ATG10: variants seen among roughly 807,000 people sequenced by gnomAD.
ATG10 encodes ubiquitin-like-conjugating enzyme ATG10.
A neutral mutation model predicts 32.1 loss-of-function variants in ATG10; 30 were observed. That is an observed-to-expected ratio of 0.94 (90% CI 0.70 to 1.27). ATG10 has a LOEUF of 1.27. Among genes scored for constraint, ATG10 ranks in the 50% most tolerant of loss-of-function variants. The pLI is 0.00. For synonymous variants in ATG10, 87 were observed against 91.5 expected, an observed-to-expected ratio of 0.95 and a Z score of 0.28; for missense variants, 233 against 262.3, an observed-to-expected ratio of 0.89 and a Z score of 0.77.
At chr5:82,056,016 C>T (rs1039777106) in intron 2 of ATG10, among the ~76,000 whole-genome samples, 3 of 152,126 alleles carry the variant, frequency 2.0e-5, no homozygotes, top group Non-Finnish European at 4.4e-5. Flanking sequence ...TAAGCACAGT[C>T]TATGATGTTT....
At chr5:82,035,103 G>C (rs928626775) in intron 2 of ATG10, among the ~76,000 whole-genome samples, 33 of 151,950 alleles carry the variant, frequency 2.2e-4, no homozygotes, top group African/African-American at 7.7e-4. Context: ...GTAGAGACAG[G>C]GTTTCACCAT....
chr5:82,164,026 T>C (rs977653706), intron 3 of ATG10, among the ~76,000 whole-genome samples: 1 of 152,190 alleles, frequency 6.6e-6, no homozygotes, highest in African/African-American at 2.4e-5. Flanking sequence ...TGTTCAATTG[T>C]TAGGATGTTT....
chr5:82,161,275 C>T (rs1743328816), intron 3 of ATG10, among the ~76,000 whole-genome samples: 1 of 152,116 alleles, frequency 6.6e-6, no homozygotes, highest in Non-Finnish European at 1.5e-5. Context: ...TAGTAGCAGT[C>T]CTAATTAGAG....
At chr5:82,190,184 A>AT (rs1158231248) in intron 5 of ATG10, among the ~76,000 whole-genome samples, 4 of 152,120 alleles carry the variant, frequency 2.6e-5, no homozygotes, top group Non-Finnish European at 5.9e-5. Context: ...CTTTATAATC[A>AT]TTTTTTCTGA....
At chr5:82,210,801 G>C (rs1745464225) in intron 5 of ATG10, among the ~76,000 whole-genome samples, 1 of 152,156 alleles carries the variant, frequency 6.6e-6, no homozygotes, top group South Asian at 2.1e-4. Context: ...GGGCTGCAAG[G>C]AAAATAGAGT....
intron 3 of ATG10, among the ~76,000 whole-genome samples, chr5:82,138,069 C>T (rs912317073): frequency 1.3e-5 from 2 of 152,202 alleles, no homozygotes; most frequent in African/African-American, 2.4e-5. Context: ...GGTGGACGCC[C>T]CTGTCCCCAG....
At chr5:82,203,721 TTC>T (rs1028830981) in intron 5 of ATG10, among the ~76,000 whole-genome samples, 2 of 152,282 alleles carry the variant, frequency 1.3e-5, no homozygotes, top group South Asian at 2.1e-4. Context: ...TTATTTGTGT[TTC>T]TGTTTGTTCT....
chr5:82,157,159 G>A (rs1767830457), intron 3 of ATG10, among the ~76,000 whole-genome samples: 1 of 152,124 alleles, frequency 6.6e-6, no homozygotes, highest in Non-Finnish European at 1.5e-5. Context: ...TCCTCTCAGT[G>A]GGAACCCACG....
intron 2 of ATG10, among the ~76,000 whole-genome samples, chr5:82,000,866 A>G (rs1761828349): frequency 6.6e-6 from 1 of 152,120 alleles, no homozygotes; most frequent in Admixed American, 6.6e-5. Flanking sequence ...CATGTTGGCT[A>G]CCCTGGTCTT....
At chr5:82,213,114 C>T (rs551723840) in intron 5 of ATG10, among the ~76,000 whole-genome samples, 1 of 152,290 alleles carries the variant, frequency 6.6e-6, no homozygotes, top group East Asian at 1.9e-4. Context: ...CCAAAATAAC[C>T]AGTGATGCCT....
chr5:82,032,732 T>TTA (rs1352445332), intron 2 of ATG10, among the ~76,000 whole-genome samples: 1 of 150,858 alleles, frequency 6.6e-6, no homozygotes, highest in African/African-American at 2.4e-5. Context: ...TCCTATGCCT[T>TTA]TATATATATT....
At chr5:82,099,495 T>C (rs1370366558) in intron 3 of ATG10, among the ~76,000 whole-genome samples, 1 of 152,034 alleles carries the variant, frequency 6.6e-6, no homozygotes, top group African/African-American at 2.4e-5. Context: ...AGAACTCTTA[T>C]AGTGACTGAA....
Position 82,117,357 on chromosome 5 carries a change from A to G in ATG10, c.217-47042A>G, listed in dbSNP as rs374772661. Among the ~76,000 whole-genome samples, 7 of 152,244 alleles carry G rather than the reference A, an allele frequency of 4.6e-5. No homozygotes were observed. In the East Asian group the frequency reaches 1.2e-3, roughly 25 times the overall value. On this transcript the variant is annotated intron_variant, in intron 3 of 7. Coordinates refer to ENST00000282185, the MANE Select transcript of ATG10 (RefSeq NM_031482.5). ...TGATTAGATTTCCTAGTATATTAATATTAGCAACTGTGAGAACCAGATTTT... is the reference window on the plus strand; with the variant it reads ...TGATTAGATTTCCTAGTATATTAATGTTAGCAACTGTGAGAACCAGATTTT...
chr5:82,128,674 C>A (rs1211440973), intron 3 of ATG10, among the ~76,000 whole-genome samples: 4 of 117,360 alleles, frequency 3.4e-5, no homozygotes, highest in Admixed American at 3.0e-4. Flanking sequence ...GGCTTCCCCG[C>A]AAAGGTCTGG....
At chr5:82,092,396 G>T (rs1764919829) in intron 3 of ATG10, among the ~76,000 whole-genome samples, 1 of 152,116 alleles carries the variant, frequency 6.6e-6, no homozygotes, top group Non-Finnish European at 1.5e-5. Flanking sequence ...ACCAAAAATA[G>T]ATATTTCTGG....
intron 5 of ATG10, among the ~76,000 whole-genome samples, chr5:82,191,749 T>G (rs1744670210): frequency 6.6e-6 from 1 of 152,220 alleles, no homozygotes; most frequent in Non-Finnish European, 1.5e-5. Flanking sequence ...TTTTAGGTCA[T>G]GAACCCCTTT....
rs2149791464 is a variant in ATG10 at position 82,089,562 on chromosome 5, C to A, written c.216+30960C>A. 2.0e-5 allele frequency among the ~76,000 whole-genome samples: 3 copies of A among 152,156 alleles called. No individual in the cohort carries two copies. In the East Asian group the frequency reaches 5.8e-4, roughly 29 times the overall value. On this transcript the variant is annotated intron_variant, in intron 3 of 7. Transcript: ENST00000282185. ...AACACAAACAAAGAAACAAACATAC[C>A]CTGACCTCAGTCTCACACATTTTAC...
chr5:82,130,748 A>G (rs1231900685), intron 3 of ATG10, among the ~76,000 whole-genome samples: 1 of 152,138 alleles, frequency 6.6e-6, no homozygotes, highest in Non-Finnish European at 1.5e-5. Context: ...TACTTTCTGC[A>G]TTGATCTCAC....
intron 3 of ATG10, among the ~76,000 whole-genome samples, chr5:82,120,904 A>G (rs1766016077): frequency 6.6e-6 from 1 of 152,182 alleles, no homozygotes; most frequent in African/African-American, 2.4e-5. Context: ...AAAGGTTCTA[A>G]TATTTTTGAC....
Sources: allele counts gnomAD v4.1 joint callset (sites outside exome capture counted in the v4.1 genomes callset), GRCh38; gene constraint gnomAD v4.1.1; transcripts MANE v1.5; gene names NCBI Gene and HGNC (gene_info 2026-07-23, HGNC 2026-07-21).